The following NEK11 variants were observed in gnomAD, a reference collection of about 807,000 sequenced individuals.
The protein encoded by NEK11 is NIMA related kinase 11.
NEK11 carries 72 observed loss-of-function variants against 80.7 expected under a neutral mutation model. The ratio of observed to expected loss-of-function variants is 0.89; its 90% CI spans 0.74 to 1.08. NEK11 has a LOEUF of 1.08. Among genes scored for constraint, NEK11 ranks in the 50% least tolerant of loss-of-function variants. NEK11 has a pLI of 0.00. For synonymous variants in NEK11, 251 were observed against 260.7 expected, an observed-to-expected ratio of 0.96 and a Z score of 0.36; for missense variants, 764 against 763.6, an observed-to-expected ratio of 1.00 and a Z score of -0.01.
chr3:131,255,901 G>C (rs933145016), intron 16 of NEK11, among the ~76,000 whole-genome samples: 1 of 152,124 alleles, frequency 6.6e-6, no homozygotes, highest in Non-Finnish European at 1.5e-5. Flanking sequence ...AACCAATAAA[G>C]CTGGTTCTAT....
chr3:131,162,064 G>C (rs2091663591), intron 10 of NEK11, among the ~76,000 whole-genome samples: 1 of 152,118 alleles, frequency 6.6e-6, no homozygotes, highest in South Asian at 2.1e-4. Context: ...TAAAGATTAT[G>C]TGTTTTATCC....
chr3:131,161,480 C>T (rs559268054), intron 10 of NEK11, among the ~76,000 whole-genome samples: 7 of 152,278 alleles, frequency 4.6e-5, no homozygotes, highest in African/African-American at 1.4e-4. Context: ...GGTACATTTA[C>T]ACCATGGGAT....
intron 4 of NEK11, among the ~76,000 whole-genome samples, chr3:131,102,721 C>T (rs35403839): frequency 0.018 from 2,807 of 152,240 alleles, 40 homozygotes; most frequent in Middle Eastern, 0.044. Flanking sequence ...GTCATCCTCT[C>T]TAGCAACATT....
At chr3:131,083,264 A>G (rs1167910760) in intron 4 of NEK11, among the ~76,000 whole-genome samples, 1 of 152,258 alleles carries the variant, frequency 6.6e-6, no homozygotes, top group Non-Finnish European at 1.5e-5. Flanking sequence ...TTGTTGTTGC[A>G]GAGGATCTCA....
chr3:131,045,947 A>G (rs2067318486), intron 3 of NEK11, among the ~76,000 whole-genome samples: 1 of 152,016 alleles, frequency 6.6e-6, no homozygotes, highest in African/African-American at 2.4e-5. Flanking sequence ...TTTGGTGCCC[A>G]TTTGCATGGA....
chr3:131,170,396 A>T (rs2092605610), intron 13 of NEK11, among the ~76,000 whole-genome samples: 1 of 152,194 alleles, frequency 6.6e-6, no homozygotes, highest in Non-Finnish European at 1.5e-5. Context: ...TAATTTTGAG[A>T]TGCAGAAACT....
chr3:131,297,841 T>A (rs918513454), intron 17 of NEK11, among the ~76,000 whole-genome samples: 46 of 152,228 alleles, frequency 3.0e-4, no homozygotes, highest in African/African-American at 1.0e-3. Flanking sequence ...AATTTTTGTG[T>A]AAGGTGTAAG....
chr3:131,334,684 T>C (rs1429906650), intron 17 of NEK11, among the ~76,000 whole-genome samples: 4 of 151,834 alleles, frequency 2.6e-5, no homozygotes, highest in Admixed American at 2.0e-4. Flanking sequence ...CAGGAGCTGG[T>C]TTTTTTGAAA....
intron 14 of NEK11, among the ~76,000 whole-genome samples, chr3:131,223,312 T>C (rs12633142): frequency 0.018 from 2,802 of 152,302 alleles, 42 homozygotes; most frequent in East Asian, 0.084. Context: ...TGGTGCTTAC[T>C]TAAGAAATAC....
intron 7 of NEK11, among the ~76,000 whole-genome samples, chr3:131,138,421 G>A (rs2149659387): frequency 6.6e-6 from 1 of 152,282 alleles, no homozygotes; most frequent in South Asian, 2.1e-4. Flanking sequence ...GATTTCTAAG[G>A]TTTTTAACTC....
chr3:131,349,465 A>C (rs2097421871), intron 17 of NEK11, 92 bp from the exon 18 acceptor site: 1 of 1,072,800 alleles, frequency 9.3e-7, no homozygotes, highest in Admixed American at 2.3e-5. Context: ...CCAGAATGAC[A>C]ATGTTTGTAA....
chr3:131,333,069 C>T (rs1399473025), intron 17 of NEK11, among the ~76,000 whole-genome samples: 1 of 152,114 alleles, frequency 6.6e-6, no homozygotes, highest in Non-Finnish European at 1.5e-5. Context: ...GAGAACTTCC[C>T]CAATCTAGCA....
intron 14 of NEK11, among the ~76,000 whole-genome samples, chr3:131,178,227 T>C (rs1237284098): frequency 6.6e-6 from 1 of 152,198 alleles, no homozygotes; most frequent in Non-Finnish European, 1.5e-5. Context: ...TTCACTACTG[T>C]TTACTACTGT....
At chr3:131,064,044 G>T (rs1439855164) in intron 3 of NEK11, among the ~76,000 whole-genome samples, 1 of 152,178 alleles carries the variant, frequency 6.6e-6, no homozygotes, top group Non-Finnish European at 1.5e-5. Flanking sequence ...GATAAACCTT[G>T]AAAACAATAT....
intron 16 of NEK11, among the ~76,000 whole-genome samples, chr3:131,247,961 T>G (rs991558659): frequency 5.3e-5 from 8 of 152,126 alleles, no homozygotes. Flanking sequence ...TCCTGAAATT[T>G]TACTTAATTT....
At chr3:131,160,654 G>A (rs2149916842) in intron 10 of NEK11, among the ~76,000 whole-genome samples, 1 of 152,250 alleles carries the variant, frequency 6.6e-6, no homozygotes, top group South Asian at 2.1e-4. Context: ...AAAGAAGCAA[G>A]GCCCAACTAT....
chr3:131,240,359 T>A (rs1179802860), intron 15 of NEK11, among the ~76,000 whole-genome samples: 1 of 152,206 alleles, frequency 6.6e-6, no homozygotes, highest in African/African-American at 2.4e-5. Context: ...TCACTGGAGT[T>A]GGCTGCAGCT....
chr3:131,278,262 C>T (rs1233249341), intron 17 of NEK11, among the ~76,000 whole-genome samples: 1 of 152,210 alleles, frequency 6.6e-6, no homozygotes, highest in Non-Finnish European at 1.5e-5. Context: ...GCACAAACAA[C>T]ATCAGCTCTC....
chr3:131,181,189 G>C lies in NEK11; in HGVS notation c.1399+10302G>C, dbSNP rs115743007. Among the ~76,000 whole-genome samples the C allele has an allele frequency of 4.6e-3, 703 of 152,276 alleles. 4 individuals carry two copies. The highest frequency in any genetic ancestry group is 0.015 in the African/African-American group (638 of 41,548). On this transcript the variant is annotated intron_variant, in intron 14 of 17. Transcript: ENST00000383366. The stretch of plus-strand genomic sequence containing the variant: ...ATTTGGATGCTCTCAGTGCCACAAG[G>C]GTTCTTAGAAGTAGAAGAGGGAGGC...
Sources: gnomAD v4.1 joint callset for allele counts (sites outside exome capture counted in the v4.1 genomes callset) on GRCh38, gnomAD v4.1.1 for gene constraint, MANE v1.5 for transcripts, NCBI Gene and HGNC (gene_info 2026-07-23, HGNC 2026-07-21) for gene names.